The following ROBO2 variants were observed in gnomAD, a reference collection of about 807,000 sequenced individuals.
ROBO2 encodes roundabout homolog 2.
A neutral mutation model predicts 160.8 loss-of-function variants in ROBO2; 53 were observed. The observed-to-expected ratio is 0.33, with a 90% CI of 0.26 to 0.41. ROBO2 has a LOEUF of 0.41. Ranked by LOEUF, ROBO2 falls within the 10% of genes least tolerant of loss-of-function variation. The pLI is 1.00. For synonymous variants in ROBO2, 664 were observed against 611.7 expected (o/e 1.09, Z -1.26); for missense variants, 1,577 against 1,722.4 (o/e 0.92, Z 1.49).
At chr3:76,664,088 C>T (rs191914024) in intron 2 of ROBO2, among the ~76,000 whole-genome samples, 92 of 152,122 alleles carry the variant, frequency 6.0e-4, no homozygotes, top group African/African-American at 2.1e-3. Context: ...AGGCTATTTC[C>T]CTATGGGGAA....
At chr3:76,710,940 A>G (rs979418743) in intron 2 of ROBO2, among the ~76,000 whole-genome samples, 4 of 152,196 alleles carry the variant, frequency 2.6e-5, no homozygotes, top group African/African-American at 9.7e-5. Context: ...TTTATCAATA[A>G]TCTTTTACAT....
chr3:77,492,064 G>A (rs760015081), intron 4 of ROBO2, among the ~76,000 whole-genome samples: 7 of 151,856 alleles, frequency 4.6e-5, no homozygotes, highest in Non-Finnish European at 1.0e-4. Flanking sequence ...TTTAGTTTTT[G>A]TGCCACTGTA....
intron 2 of ROBO2, among the ~76,000 whole-genome samples, chr3:76,161,026 G>T (rs1363563927): frequency 1.3e-5 from 2 of 152,020 alleles, no homozygotes; most frequent in Non-Finnish European, 2.9e-5. Context: ...AATGAACTTT[G>T]TAAACCTAAA....
At chr3:76,823,491 G>A (rs1204678470) in intron 2 of ROBO2, among the ~76,000 whole-genome samples, 1 of 152,032 alleles carries the variant, frequency 6.6e-6, no homozygotes, top group Non-Finnish European at 1.5e-5. Context: ...AAGACAGGAG[G>A]GTTCTCACTC....
At chr3:76,755,218 C>G (rs989441933) in intron 2 of ROBO2, among the ~76,000 whole-genome samples, 2 of 151,776 alleles carry the variant, frequency 1.3e-5, no homozygotes, top group African/African-American at 4.8e-5. Flanking sequence ...AGTGTATATT[C>G]TCTCATTCAC....
intron 8 of ROBO2, among the ~76,000 whole-genome samples, chr3:77,552,293 C>T (rs766256217): frequency 1.5e-4 from 23 of 151,826 alleles, no homozygotes; most frequent in Admixed American, 1.2e-3. Context: ...CTTAAGATAC[C>T]GGCTATCATT....
At chr3:77,572,696 T>C (rs1357751731) in intron 13 of ROBO2, among the ~76,000 whole-genome samples, 1 of 151,688 alleles carries the variant, frequency 6.6e-6, no homozygotes, top group Non-Finnish European at 1.5e-5. Flanking sequence ...TTTTCTCGTT[T>C]GGACATTCTA....
intron 24 of ROBO2, among the ~76,000 whole-genome samples, chr3:77,637,345 T>C (rs557698564): frequency 2.0e-5 from 3 of 152,346 alleles, no homozygotes; most frequent in African/African-American, 7.2e-5. Flanking sequence ...GCAGCCCTAT[T>C]TGTGCTTTCT....
chr3:76,974,960 TA>T (rs1174567563), intron 2 of ROBO2, among the ~76,000 whole-genome samples: 2 of 151,618 alleles, frequency 1.3e-5, no homozygotes, highest in East Asian at 1.9e-4. Flanking sequence ...CCTTTTGAAT[TA>T]AAAAAAAATT....
chr3:76,825,975 G>A (rs1404154698), intron 2 of ROBO2, among the ~76,000 whole-genome samples: 1 of 150,748 alleles, frequency 6.6e-6, no homozygotes, highest in Admixed American at 6.6e-5. Flanking sequence ...TAGGGAGCAG[G>A]AAAAATCTGT....
intron 1 of ROBO2, among the ~76,000 whole-genome samples, chr3:77,067,103 A>G (rs1331521849): frequency 2.0e-5 from 3 of 151,814 alleles, no homozygotes; most frequent in Admixed American, 2.0e-4. Flanking sequence ...TTGCTAGGCC[A>G]TAGCACTTTT....
intron 2 of ROBO2, among the ~76,000 whole-genome samples, chr3:76,087,568 A>C (rs552051015): frequency 4.6e-5 from 7 of 152,120 alleles, no homozygotes; most frequent in African/African-American, 1.7e-4. Context: ...ACAAAGTCAT[A>C]TCTACATAAA....
intron 23 of ROBO2, among the ~76,000 whole-genome samples, chr3:77,626,789 A>C (rs1583369648): frequency 1.3e-5 from 2 of 152,308 alleles, no homozygotes; most frequent in African/African-American, 2.4e-5. Context: ...GAAACAAGTA[A>C]AAAGTTTCCT....
At chr3:77,556,164 T>G (rs542462477) in intron 8 of ROBO2, among the ~76,000 whole-genome samples, 1 of 151,930 alleles carries the variant, frequency 6.6e-6, no homozygotes, top group African/African-American at 2.4e-5. Flanking sequence ...TTACTCATAG[T>G]GTTTTGTTCA....
intron 2 of ROBO2, among the ~76,000 whole-genome samples, chr3:77,252,831 A>AAAAAAAAAAAAAAACTATAT: frequency 8.0e-5 from 1 of 12,524 alleles, no homozygotes; most frequent in African/African-American, 1.6e-4. Context: ...AAAAAAAAAA[A>AAAAAAAAAAAAAAACTATAT]ATATATATAT....
rs148524800 is a variant in ROBO2, at chr3:77,498,701, A to G, written c.806+5319A>G. On this transcript the variant is annotated intron_variant, in intron 5 of 25. Transcript: ENST00000461745. ...TTTAGATTAATTGTTTGGAAGCTCT[A>G]TTGTTTAGAGCATGTGCTTCTGGGA... 2.2e-4 allele frequency among the ~76,000 whole-genome samples: 34 copies of G among 151,138 alleles called. 1 individual carries two copies. In the East Asian group the frequency reaches 6.7e-3, roughly 30 times the overall value.
At chr3:76,871,306 G>C (rs9822533) in intron 2 of ROBO2, among the ~76,000 whole-genome samples, 1 of 152,058 alleles carries the variant, frequency 6.6e-6, no homozygotes. Flanking sequence ...TGTAATCCCA[G>C]CACTTTGGGA....
intron 1 of ROBO2, among the ~76,000 whole-genome samples, chr3:75,911,597 G>A (rs1434646656): frequency 1.3e-5 from 1 of 78,006 alleles, no homozygotes; most frequent in African/African-American, 4.9e-5. Context: ...TCGCTCTGTC[G>A]CCCAGGCTGG....
At chr3:76,899,587 G>A (rs575549461) in intron 2 of ROBO2, among the ~76,000 whole-genome samples, 2 of 152,178 alleles carry the variant, frequency 1.3e-5, no homozygotes, top group East Asian at 3.9e-4. Context: ...AATTTATAAA[G>A]ATATGGACTT....
Sources: gnomAD v4.1 joint callset for allele counts (sites outside exome capture counted in the v4.1 genomes callset) on GRCh38, gnomAD v4.1.1 for gene constraint, MANE v1.5 for transcripts, NCBI Gene and HGNC (gene_info 2026-07-23, HGNC 2026-07-21) for gene names.